Variants in GLDC observed in about 807,000 individuals in gnomAD.
GLDC encodes the protein glycine dehydrogenase (decarboxylating), mitochondrial.
Under a neutral mutation model 121.3 loss-of-function variants are expected in GLDC, and 104 were observed. The ratio of observed to expected loss-of-function variants is 0.86; its 90% CI spans 0.73 to 1.01. The LOEUF is 1.01. GLDC is among the 50% of genes least tolerant of loss of function. The probability of loss-of-function intolerance (pLI) is 0.00; values close to 1 mark genes in which losing one functional copy is unlikely to be tolerated. For missense variants in GLDC, 1,429 were observed against 1,306.6 expected (o/e 1.09, Z -1.44); for synonymous variants, 546 against 480.6 (o/e 1.14, Z -1.78).
chr9:6,629,432 C>T (rs574924445), intron 2 of GLDC, among the ~76,000 whole-genome samples: 19 of 152,164 alleles, frequency 1.2e-4, no homozygotes, highest in African/African-American at 4.3e-4. Context: ...ACAGGCTGGT[C>T]TTGAACTCCT....
In GLDC at chr9:6,589,085, T is replaced by A. The variant is rs533514257; in HGVS notation, c.1580+110A>T. On this transcript the variant is annotated intron_variant, in intron 12 of 24. Coordinates refer to ENST00000321612, the MANE Select transcript of GLDC (RefSeq NM_000170.3). ...GGATGAAATACTTGGGAGCCACGGC[T>A]GAGCCAGAATAACCAGGCCACAGCA... The A allele has an allele frequency of 2.2e-5, 17 of 788,100 alleles. No individual in the cohort carries two copies. In the East Asian group the frequency reaches 3.6e-4, roughly 17 times the overall value. 48.8% of individuals were successfully genotyped at this position (788,100 alleles called of 1,614,324 possible).
intron 2 of GLDC, among the ~76,000 whole-genome samples, chr9:6,629,955 A>ATTTTTTT (rs1367658538): frequency 8.3e-5 from 7 of 84,436 alleles, no homozygotes; most frequent in African/African-American, 1.3e-4. Context: ...GTATATATAT[A>ATTTTTTT]TATTTTTTTT....
At chr9:6,571,912 A>G (rs1326662615) in intron 15 of GLDC, among the ~76,000 whole-genome samples, 1 of 152,210 alleles carries the variant, frequency 6.6e-6, no homozygotes, top group African/African-American at 2.4e-5. Context: ...AAATATACCC[A>G]ACTATTTTTG....
intron 15 of GLDC, among the ~76,000 whole-genome samples, chr9:6,585,860 G>GTATCTATCTATC (rs1323723139): frequency 4.3e-5 from 5 of 116,608 alleles, no homozygotes; most frequent in African/African-American, 1.5e-4. Context: ...ATGTATGTAT[G>GTATCTATCTATC]TATGTATGTA....
chr9:6,582,024 G>T (rs944481219), intron 15 of GLDC, among the ~76,000 whole-genome samples: 3 of 151,670 alleles, frequency 2.0e-5, no homozygotes, highest in African/African-American at 7.3e-5. Context: ...AGACCAGCCT[G>T]GCCAACATAG....
Position 6,639,066 on chromosome 9 carries a change from T to C in GLDC, c.334+5548A>G, listed in dbSNP as rs1404173713. 5 of 657,292 alleles carry C rather than the reference T, an allele frequency of 7.6e-6. No homozygotes were observed. In the African/African-American group the frequency reaches 9.1e-5, roughly 12 times the overall value. The allele number at this position is 657,292 out of a possible 1,614,324, so 40.7% of individuals were successfully genotyped here. A position where few individuals can be genotyped will look rare whatever the true frequency, so the allele number is the denominator to read the frequency against. ...CTTTCAATAGTAGTCAGTAAACATT[T>C]AACAATTAGGCAACAAGGTGACAGT... On this transcript the variant is annotated intron_variant, in intron 2 of 24. Transcript: ENST00000321612.
chr9:6,609,767 G>A (rs544189671), intron 4 of GLDC, among the ~76,000 whole-genome samples: 1 of 151,988 alleles, frequency 6.6e-6, no homozygotes, highest in African/African-American at 2.4e-5. Context: ...CCTGCCTTGA[G>A]AGACCTCACC....
chr9:6,633,082 T>G (rs964212512), intron 2 of GLDC, among the ~76,000 whole-genome samples: 4 of 152,272 alleles, frequency 2.6e-5, no homozygotes, highest in Admixed American at 6.5e-5. Context: ...CTGTCTCTCA[T>G]GCAGAGAGAT....
intron 5 of GLDC, 179 bp from the exon 6 acceptor site, chr9:6,605,457 C>A: frequency 1.5e-6 from 1 of 664,582 alleles, no homozygotes; most frequent in Non-Finnish European, 2.7e-6. Context: ...GCAACTCAAG[C>A]GCATCCAACA....
intron 15 of GLDC, among the ~76,000 whole-genome samples, chr9:6,566,267 C>A (rs1304193466): frequency 6.6e-6 from 1 of 152,146 alleles, no homozygotes; most frequent in Non-Finnish European, 1.5e-5. Context: ...TAACTACAAA[C>A]ACAATTGTCA....
intron 2 of GLDC, among the ~76,000 whole-genome samples, chr9:6,620,700 C>T (rs1243686920): frequency 6.6e-6 from 1 of 152,180 alleles, no homozygotes; most frequent in Non-Finnish European, 1.5e-5. Context: ...GTTTTACCTT[C>T]TAAACTGCCT....
chr9:6,596,158 A>G (rs1009712921), intron 8 of GLDC, among the ~76,000 whole-genome samples: 5 of 152,198 alleles, frequency 3.3e-5, no homozygotes, highest in African/African-American at 1.2e-4. Context: ...CTGTGCCCAA[A>G]TGCTCATGGC....
At chr9:6,575,974 G>A (rs1458184900) in intron 15 of GLDC, among the ~76,000 whole-genome samples, 1 of 152,192 alleles carries the variant, frequency 6.6e-6, no homozygotes, top group East Asian at 1.9e-4. Context: ...GGGTTTATGG[G>A]TAGAACAAAT....
At chr9:6,591,316 G>C (rs993789006) in intron 11 of GLDC, among the ~76,000 whole-genome samples, 1 of 152,066 alleles carries the variant, frequency 6.6e-6, no homozygotes, top group Non-Finnish European at 1.5e-5. Context: ...TCTTGGTAAG[G>C]AGCTCATCCT....
intron 15 of GLDC, among the ~76,000 whole-genome samples, chr9:6,578,471 G>A (rs1205049278): frequency 9.2e-5 from 14 of 152,034 alleles, no homozygotes; most frequent in Admixed American, 9.2e-4. Context: ...TGTTAGCACT[G>A]TTTTAGCTAC....
At chr9:6,577,535 A>T (rs1818089852) in intron 15 of GLDC, among the ~76,000 whole-genome samples, 1 of 152,214 alleles carries the variant, frequency 6.6e-6, no homozygotes, top group Non-Finnish European at 1.5e-5. Context: ...TCCACCATAA[A>T]AATATCTTTT....
At chr9:6,595,411 C>G (rs1243496581) in intron 8 of GLDC, among the ~76,000 whole-genome samples, 5 of 152,196 alleles carry the variant, frequency 3.3e-5, no homozygotes, top group African/African-American at 9.6e-5. Context: ...AAAGATCACA[C>G]TACCATCAGA....
chr9:6,593,286 T>TATATATATATATATATATATATAA (rs1333210071), intron 9 of GLDC, among the ~76,000 whole-genome samples: 3 of 150,602 alleles, frequency 2.0e-5, no homozygotes, highest in African/African-American at 7.3e-5. Flanking sequence ...TATATATATA[T>TATATATATATATATATATATATAA]AAAATTATAC....
chr9:6,617,106 C>T (rs777157374), intron 3 of GLDC, among the ~76,000 whole-genome samples: 9 of 152,096 alleles, frequency 5.9e-5, no homozygotes, highest in Non-Finnish European at 1.2e-4. Context: ...CTCACGTCTC[C>T]GGAATTTGTT....
Sources: allele counts gnomAD v4.1 joint callset (sites outside exome capture counted in the v4.1 genomes callset), GRCh38; gene constraint gnomAD v4.1.1; transcripts MANE v1.5; gene names NCBI Gene and HGNC (gene_info 2026-07-23, HGNC 2026-07-21).